Variants in CSMD2 observed in about 807,000 individuals in gnomAD.
CSMD2 encodes the protein CUB and sushi domain-containing protein 2.
CSMD2 carries 130 observed loss-of-function variants against 398.5 expected under a neutral mutation model. That is an observed-to-expected ratio of 0.33 (90% CI 0.28 to 0.38). CSMD2 has a LOEUF of 0.38. CSMD2 is among the 10% of genes least tolerant of loss of function. The pLI is 1.00. For missense variants in CSMD2, 3,829 were observed against 4,764.9 expected (o/e 0.80, Z 5.78); for synonymous variants, 1,828 against 1,908.5 (o/e 0.96, Z 1.10).
chr1:33,633,980 AT>A lies in CSMD2; in HGVS notation c.5087-446del, dbSNP rs1000219808. On this transcript the variant is annotated intron_variant, in intron 31 of 70. Coordinates refer to ENST00000373381, the MANE Select transcript of CSMD2 (RefSeq NM_001281956.2). This position sits in a 1 kb window ranked among gnomAD's most constrained non-coding sequence, Gnocchi z 5.0. ...ATTGAGTTGAAAACTGTATACAGAG[AT>A]CTGTAGTCAGTGCTGTGAGCTCCTT... 1.3e-4 allele frequency among the ~76,000 whole-genome samples: 20 copies of A among 152,184 alleles called. No homozygotes were observed. Among genetic ancestry groups the A allele is most frequent in the African/African-American group, 4.3e-4 (18 of 41,432 alleles).
chr1:33,762,729 T>C (rs1649984364), intron 13 of CSMD2, among the ~76,000 whole-genome samples: 3 of 132,294 alleles, frequency 2.3e-5, no homozygotes, highest in South Asian at 5.4e-4. Context: ...TGTGACCACA[T>C]CTATGTGCAA....
intron 32 of CSMD2, among the ~76,000 whole-genome samples, chr1:33,632,615 G>T (rs1196773915): frequency 2.0e-5 from 3 of 151,942 alleles, no homozygotes; most frequent in African/African-American, 7.3e-5. Context: ...TGGTTTTTGT[G>T]AGAATAAAAC....
At chr1:33,566,110 A>C (rs1659031619) in intron 53 of CSMD2, among the ~76,000 whole-genome samples, 1 of 151,878 alleles carries the variant, frequency 6.6e-6, no homozygotes, top group African/African-American at 2.4e-5. Flanking sequence ...GAAAAAAAAA[A>C]CAGTGGGAAA....
rs1168272798 is a variant in CSMD2 at position 33,635,749 on chromosome 1, A to G, written c.4970-419T>C. On this transcript the variant is annotated intron_variant, in intron 30 of 70. Coordinates refer to ENST00000373381, the MANE Select transcript of CSMD2 (RefSeq NM_001281956.2). This position sits in a 1 kb window ranked among gnomAD's most constrained non-coding sequence, Gnocchi z 5.0. ...AGGGAGCTGAAGCTTCCCCGGACTA[A>G]CCCCATGGGGAGTGGCCAGCCCATG... 2.0e-5 allele frequency among the ~76,000 whole-genome samples: 3 copies of G among 151,798 alleles called. No homozygotes were observed. The highest frequency in any genetic ancestry group is 4.4e-5 in the Non-Finnish European group (3 of 67,918).
intron 3 of CSMD2, among the ~76,000 whole-genome samples, chr1:33,944,611 G>A (rs1267349080): frequency 1.3e-5 from 2 of 152,228 alleles, no homozygotes; most frequent in Non-Finnish European, 2.9e-5. Context: ...GGGTCACACA[G>A]CTAGTAGGAG....
Position 33,693,617 on chromosome 1 carries a change from G to C in CSMD2, c.3926-561C>G, listed in dbSNP as rs370887864. 5.9e-5 allele frequency among the ~76,000 whole-genome samples: 9 copies of C among 152,258 alleles called. No individual in the cohort carries two copies. In the East Asian group the frequency reaches 1.2e-3, roughly 20 times the overall value. Reference sequence around the variant, plus strand: ...ATATACCCAAGATAAATGAAAACATGTTCACATAAAAACTTGAACATGAAT... The same window carrying C: ...ATATACCCAAGATAAATGAAAACATCTTCACATAAAAACTTGAACATGAAT... On this transcript the variant is annotated intron_variant, in intron 24 of 70. Coordinates refer to ENST00000373381, the MANE Select transcript of CSMD2 (RefSeq NM_001281956.2).
chr1:33,568,185 G>A (rs1334474885), intron 52 of CSMD2, among the ~76,000 whole-genome samples: 2 of 97,666 alleles, frequency 2.0e-5, no homozygotes, highest in African/African-American at 7.5e-5. Context: ...AAACTCAGGA[G>A]CATCTTTTTT....
intron 3 of CSMD2, among the ~76,000 whole-genome samples, chr1:33,962,790 C>G (rs1456453476): frequency 6.6e-6 from 1 of 152,204 alleles, no homozygotes; most frequent in Non-Finnish European, 1.5e-5. Flanking sequence ...TCGGTGAGAT[C>G]CTCTTTAAAA....
At chr1:33,866,525 T>G (rs991370281) in intron 5 of CSMD2, among the ~76,000 whole-genome samples, 5 of 152,254 alleles carry the variant, frequency 3.3e-5, no homozygotes, top group Admixed American at 1.3e-4. Context: ...AACTTGGCTC[T>G]GCTTCTCTTC....
At chr1:34,158,506 G>C (rs1641013523) in intron 1 of CSMD2, among the ~76,000 whole-genome samples, 1 of 152,194 alleles carries the variant, frequency 6.6e-6, no homozygotes, top group Admixed American at 6.5e-5. Context: ...GGGTTGATGG[G>C]TTGAGTGAGG....
chr1:33,742,876 T>C (rs934763423), intron 14 of CSMD2, among the ~76,000 whole-genome samples: 3 of 152,092 alleles, frequency 2.0e-5, no homozygotes, highest in Non-Finnish European at 2.9e-5. Flanking sequence ...CAGGCAGGCA[T>C]TCAGGGATTT....
chr1:33,734,221 T>A (rs1327490205), intron 15 of CSMD2, among the ~76,000 whole-genome samples: 1 of 152,180 alleles, frequency 6.6e-6, no homozygotes, highest in Non-Finnish European at 1.5e-5. Flanking sequence ...TTGGTGTAGA[T>A]AGAGAATAAA....
intron 13 of CSMD2, among the ~76,000 whole-genome samples, chr1:33,756,923 A>G (rs1399869860): frequency 1.3e-5 from 2 of 152,194 alleles, no homozygotes; most frequent in Admixed American, 6.5e-5. Context: ...TCCAACAATG[A>G]TAGACTGGAT....
intron 33 of CSMD2, 139 bp downstream of exon 33, chr1:33,626,347 G>A (rs1017214640): frequency 1.9e-6 from 1 of 534,306 alleles, no homozygotes; most frequent in Non-Finnish European, 3.3e-6. Flanking sequence ...TCAGGGAATT[G>A]CCCTACAAAC....
At chr1:33,528,199 C>A (rs1251850750) in intron 64 of CSMD2, among the ~76,000 whole-genome samples, 1 of 152,204 alleles carries the variant, frequency 6.6e-6, no homozygotes, top group African/African-American at 2.4e-5. Context: ...ACTGCGTGAC[C>A]TTGACTAGTA....
At chr1:33,681,475 C>G (rs2149067800) in intron 25 of CSMD2, among the ~76,000 whole-genome samples, 1 of 152,254 alleles carries the variant, frequency 6.6e-6, no homozygotes. Context: ...TCACCTTTCC[C>G]TATGCCCTCT....
At chr1:33,697,728 T>C (rs919540724) in intron 24 of CSMD2, among the ~76,000 whole-genome samples, 3 of 152,256 alleles carry the variant, frequency 2.0e-5, no homozygotes, top group Non-Finnish European at 4.4e-5. Context: ...TGCACTTAAC[T>C]CTTTTTACAG....
intron 24 of CSMD2, among the ~76,000 whole-genome samples, chr1:33,697,274 T>C (rs906922113): frequency 6.6e-6 from 1 of 152,200 alleles, no homozygotes; most frequent in African/African-American, 2.4e-5. Flanking sequence ...GCATCACCCT[T>C]CCTGGCCTGA....
intron 3 of CSMD2, among the ~76,000 whole-genome samples, chr1:34,007,358 T>C (rs1452019187): frequency 6.6e-6 from 1 of 152,190 alleles, no homozygotes; most frequent in Non-Finnish European, 1.5e-5. Context: ...GGAGTTCTGC[T>C]AAGAGTCCTA....
Sources: allele counts gnomAD v4.1 joint callset (sites outside exome capture counted in the v4.1 genomes callset), GRCh38; gene constraint gnomAD v4.1.1; non-coding constraint Gnocchi (gnomAD v3.1); transcripts MANE v1.5; gene names NCBI Gene and HGNC (gene_info 2026-07-23, HGNC 2026-07-21).